The following ABI1 variants were observed in gnomAD, a reference collection of about 807,000 sequenced individuals.
ABI1 encodes the protein abl interactor 1, also known as Abelson interactor 1.
A neutral mutation model predicts 54.6 loss-of-function variants in ABI1; 14 were observed. That is an observed-to-expected ratio of 0.26 (90% CI 0.17 to 0.40). The LOEUF (loss-of-function observed/expected upper bound fraction) is 0.40, where lower values mean the gene tolerates loss of function less well. ABI1 is among the 10% of genes least tolerant of loss of function. The probability of loss-of-function intolerance (pLI) is 1.00; values close to 1 mark genes in which losing one functional copy is unlikely to be tolerated. For missense variants in ABI1, 443 were observed against 598.3 expected (o/e 0.74, Z 2.71); for synonymous variants, 194 against 209.3 (o/e 0.93, Z 0.63).
At chr10:26,778,360 C>T (rs1841686917) in intron 2 of ABI1, among the ~76,000 whole-genome samples, 1 of 151,976 alleles carries the variant, frequency 6.6e-6, no homozygotes, top group African/African-American at 2.4e-5. Flanking sequence ...ACATGATCAC[C>T]TCTGCATTTT....
intron 7 of ABI1, chr10:26,763,839 G>A (rs1339236119): frequency 5.2e-6 from 8 of 1,541,232 alleles, no homozygotes; most frequent in Non-Finnish European, 6.3e-6. Flanking sequence ...TATGAATTAT[G>A]TAAAGTGAGT....
chr10:26,841,300 T>C (rs760269689), intron 1 of ABI1, among the ~76,000 whole-genome samples: 76 of 152,198 alleles, frequency 5.0e-4, no homozygotes, highest in Non-Finnish European at 4.9e-4. Flanking sequence ...TTATTGTATA[T>C]ATTTAAAGCA....
At chr10:26,813,875 G>C (rs2047393406) in intron 2 of ABI1, among the ~76,000 whole-genome samples, 1 of 152,076 alleles carries the variant, frequency 6.6e-6, no homozygotes, top group Non-Finnish European at 1.5e-5. Flanking sequence ...TTTTAAATTT[G>C]TTTGAATATC....
intron 2 of ABI1, among the ~76,000 whole-genome samples, chr10:26,815,874 G>A (rs1176829405): frequency 6.6e-6 from 1 of 152,148 alleles, no homozygotes; most frequent in African/African-American, 2.4e-5. Context: ...CTGTGCCACT[G>A]CACTCCAGCC....
chr10:26,857,828 G>A (rs1485766450), intron 1 of ABI1, among the ~76,000 whole-genome samples: 2 of 146,426 alleles, frequency 1.4e-5, no homozygotes, highest in African/African-American at 5.2e-5. Flanking sequence ...TCCAGCCTGG[G>A]TGACAGAGCA....
At chr10:26,841,261 T>C (rs536964681) in intron 1 of ABI1, among the ~76,000 whole-genome samples, 4 of 152,320 alleles carry the variant, frequency 2.6e-5, no homozygotes, top group African/African-American at 4.8e-5. Flanking sequence ...ATATCAACCA[T>C]ATATTTTATT....
intron 2 of ABI1, among the ~76,000 whole-genome samples, chr10:26,798,396 G>A (rs184595230): frequency 1.3e-5 from 2 of 152,046 alleles, no homozygotes; most frequent in Admixed American, 6.6e-5. Flanking sequence ...GATGCCATAC[G>A]AAAAAGACTC....
chr10:26,832,275 C>T lies in ABI1; in HGVS notation c.118-8970G>A, dbSNP rs140075052. Among the ~76,000 whole-genome samples the T allele has an allele frequency of 5.3e-5, 8 of 152,208 alleles. No individual in the cohort carries two copies. The South Asian group carries it at 1.0e-3, about 20-fold the overall frequency. ...ATATAAGAAACACTTCTCAATTTAA[C>T]GGCCTTTTAAAAAATAAAGTATGTT... On this transcript the variant is annotated intron_variant, in intron 1 of 10. Coordinates refer to ENST00000376140, the MANE Select transcript of ABI1 (RefSeq NM_001012750.3).
intron 2 of ABI1, among the ~76,000 whole-genome samples, chr10:26,796,346 T>C (rs983372918): frequency 3.3e-5 from 5 of 152,232 alleles, no homozygotes; most frequent in African/African-American, 4.8e-5. Context: ...AATAGTTCCA[T>C]AAGATTATAA....
rs530115480 is a variant in ABI1, at chr10:26,860,669, C to T, written c.117+78G>A. On this transcript the variant is annotated intron_variant, in intron 1 of 10. Coordinates refer to ENST00000376140, the MANE Select transcript of ABI1 (RefSeq NM_001012750.3). This position sits in a 1 kb window ranked among gnomAD's most constrained non-coding sequence, Gnocchi z 4.1. ...GCAGCCGCTGAGGTCAGGGCAGTTC[C>T]CCACCCCGCCCAGTGGGCTGGTCAC... 3.1e-4 allele frequency: 365 copies of T among 1,190,190 alleles called. No individual in the cohort carries two copies. The highest frequency in any genetic ancestry group is 2.8e-4 in the Non-Finnish European group (221 of 802,584). The allele number at this position is 1,190,190 out of a possible 1,614,324, so 73.7% of individuals were successfully genotyped here.
intron 1 of ABI1, among the ~76,000 whole-genome samples, chr10:26,858,999 C>T (rs931685949): frequency 1.3e-5 from 2 of 152,136 alleles, no homozygotes; most frequent in Admixed American, 6.5e-5. Flanking sequence ...ATCTTTAAAA[C>T]TTTCAGCAAA....
Position 26,842,900 on chromosome 10 carries a change from C to T in ABI1, c.117+17847G>A, listed in dbSNP as rs918265869. Reference sequence around the variant, plus strand: ...CTCTACTAAAAATATAAAAATTAGCCGGGCATGGTGGTGTGCACCTATAGT... The same window carrying T: ...CTCTACTAAAAATATAAAAATTAGCTGGGCATGGTGGTGTGCACCTATAGT... On this transcript the variant is annotated intron_variant, in intron 1 of 10. Transcript: ENST00000376140. Among the ~76,000 whole-genome samples, 5 of 151,986 alleles carry T rather than the reference C, an allele frequency of 3.3e-5. No homozygotes were observed. In the East Asian group the frequency reaches 7.8e-4, roughly 24 times the overall value.
Position 26,860,592 on chromosome 10 carries a change from C to T in ABI1, c.117+155G>A, listed in dbSNP as rs1395341950. Among the ~76,000 whole-genome samples the T allele has an allele frequency of 6.6e-6, 1 of 152,224 alleles. No individual in the cohort carries two copies. The highest frequency in any genetic ancestry group is 2.4e-5 in the African/African-American group (1 of 41,458). On this transcript the variant is annotated intron_variant, in intron 1 of 10. Transcript: ENST00000376140. The surrounding 1 kb of genome is among the most constrained non-coding windows in gnomAD (Gnocchi z 4.1). ...GACTCCCTCAGCCCGGCCACTCGCT[C>T]TGTCCCCGGTTGGGGCTGGGGTTGG... is the stretch of plus-strand genomic sequence containing the variant.
chr10:26,810,110 C>G (rs1336357829), intron 2 of ABI1, among the ~76,000 whole-genome samples: 1 of 152,140 alleles, frequency 6.6e-6, no homozygotes, highest in Non-Finnish European at 1.5e-5. Flanking sequence ...GCCACTAGCA[C>G]CTGAAATGAA....
At chr10:26,837,581 G>C (rs2049172654) in intron 1 of ABI1, among the ~76,000 whole-genome samples, 1 of 152,110 alleles carries the variant, frequency 6.6e-6, no homozygotes, top group Admixed American at 6.6e-5. Context: ...ACTGTTAACA[G>C]TTACATATAA....
intron 2 of ABI1, 114 bp from the exon 3 acceptor site, chr10:26,777,355 T>C (rs1262199007): frequency 1.4e-6 from 1 of 698,880 alleles, no homozygotes; most frequent in African/African-American, 1.8e-5. Context: ...CATATGTCTA[T>C]TTTCCAGTGA....
chr10:26,807,331 C>T (rs530909598), intron 2 of ABI1, among the ~76,000 whole-genome samples: 1 of 152,062 alleles, frequency 6.6e-6, no homozygotes, highest in African/African-American at 2.4e-5. Flanking sequence ...AAAAATTAGC[C>T]AGGTGTGGTG....
chr10:26,859,189 T>C (rs1203658964), intron 1 of ABI1, among the ~76,000 whole-genome samples: 1 of 152,110 alleles, frequency 6.6e-6, no homozygotes, highest in Non-Finnish European at 1.5e-5. Context: ...ATACAGTAGA[T>C]GTGGCAGGCA....
rs757798936 is a variant in ABI1, at chr10:26,747,022, C to CTTTG, written c.*1544_*1547dup. The CTTTG allele has an allele frequency of 1.1e-3, 249 of 216,810 alleles. No homozygotes were observed. The highest frequency in any genetic ancestry group is 4.4e-3 in the Middle Eastern group (3 of 686). The allele number at this position is 216,810 out of a possible 1,614,324, so 13.4% of individuals were successfully genotyped here. A position where few individuals can be genotyped will look rare whatever the true frequency, so the allele number is the denominator to read the frequency against. ...GGTAGCTAGCTGATCACTAATGATA[C>CTTTG]TTTGTTTGTTTAAAATTAACAAAGG... On this transcript the variant is annotated 3_prime_UTR_variant, in exon 11 of 11. Transcript: ENST00000376140.
Sources: allele counts gnomAD v4.1 joint callset (sites outside exome capture counted in the v4.1 genomes callset), GRCh38; gene constraint gnomAD v4.1.1; non-coding constraint Gnocchi (gnomAD v3.1); transcripts MANE v1.5; gene names NCBI Gene and HGNC (gene_info 2026-07-23, HGNC 2026-07-21).